The following GLP1R variants were observed in gnomAD, a reference collection of about 807,000 sequenced individuals.
GLP1R encodes the protein glucagon like peptide 1 receptor.
In GLP1R, 32 loss-of-function variants were observed where a neutral mutation model predicts 68.4. The ratio of observed to expected loss-of-function variants is 0.47; its 90% CI spans 0.35 to 0.63. GLP1R has a LOEUF of 0.63. Ranked by LOEUF, GLP1R falls within the 20% of genes least tolerant of loss-of-function variation. The pLI, the probability that GLP1R is intolerant of heterozygous loss-of-function variation, is 0.00. For synonymous variants in GLP1R, 263 were observed against 244.4 expected, an observed-to-expected ratio of 1.08 and a Z score of -0.71; for missense variants, 502 against 594.9, an observed-to-expected ratio of 0.84 and a Z score of 1.62.
chr6:39,054,820 C>T (rs1460798720), intron 1 of GLP1R, among the ~76,000 whole-genome samples: 6 of 152,194 alleles, frequency 3.9e-5, no homozygotes, highest in African/African-American at 9.7e-5. Context: ...GCCCTTTACC[C>T]GGAGAAGAGG....
At chr6:39,053,754 C>T (rs1768143569) in intron 1 of GLP1R, among the ~76,000 whole-genome samples, 1 of 152,156 alleles carries the variant, frequency 6.6e-6, no homozygotes, top group Non-Finnish European at 1.5e-5. Flanking sequence ...CAGATCTGAG[C>T]CCAAGGCCAG....
intron 2 of GLP1R, among the ~76,000 whole-genome samples, chr6:39,056,824 G>C (rs1187537667): frequency 6.6e-6 from 1 of 152,136 alleles, no homozygotes; most frequent in Non-Finnish European, 1.5e-5. Flanking sequence ...TCTTATCTGT[G>C]TGTCCTTCCC....
rs577626432 is a variant in GLP1R, at chr6:39,055,963, G to A, written c.79-434G>A. On this transcript the variant is annotated intron_variant, in intron 1 of 12. Transcript: ENST00000373256. ...GTTCCTCTCCCACTCTGGCCTGTGTGTCTTCTTCTAGAATGGTTGAAAGTG... is the reference window on the plus strand; with the variant it reads ...GTTCCTCTCCCACTCTGGCCTGTGTATCTTCTTCTAGAATGGTTGAAAGTG... Among the ~76,000 whole-genome samples the A allele has an allele frequency of 1.8e-3, 281 of 152,284 alleles. 1 individual carries two copies. Among genetic ancestry groups the A allele is most frequent in the African/African-American group, 6.6e-3 (275 of 41,546 alleles).
chr6:39,065,059 A>T (rs2254336), intron 3 of GLP1R, among the ~76,000 whole-genome samples: 79,442 of 152,044 alleles, frequency 0.52, 20,977 homozygotes, highest in South Asian at 0.56. Flanking sequence ...CATACGACCA[A>T]GAGGCCGTGT....
intron 3 of GLP1R, among the ~76,000 whole-genome samples, chr6:39,058,497 G>A (rs532866400): frequency 8.9e-4 from 136 of 152,240 alleles, no homozygotes; most frequent in South Asian, 2.3e-3. Context: ...TCCCTGACTG[G>A]AGGGTTAGTT....
At chr6:39,081,349 C>A (rs563967231) in intron 12 of GLP1R, among the ~76,000 whole-genome samples, 5 of 152,302 alleles carry the variant, frequency 3.3e-5, no homozygotes, top group African/African-American at 1.2e-4. Context: ...GCAGAAAGTA[C>A]CCCATTCTTC....
At chr6:39,065,577 A>G (rs891187507) in intron 3 of GLP1R, 134 bp from the exon 4 acceptor site, 1 of 602,694 alleles carries the variant, frequency 1.7e-6, no homozygotes, top group South Asian at 2.0e-5. Flanking sequence ...AGGGAAAAGG[A>G]TGTCACTAAC....
chr6:39,081,689 A>C (rs908447618), intron 12 of GLP1R, among the ~76,000 whole-genome samples: 1 of 152,302 alleles, frequency 6.6e-6, no homozygotes. Flanking sequence ...TGGGTGTTTC[A>C]AGGAGCTATG....
intron 1 of GLP1R, among the ~76,000 whole-genome samples, chr6:39,050,135 A>C (rs1429529115): frequency 6.6e-6 from 1 of 152,086 alleles, no homozygotes; most frequent in Non-Finnish European, 1.5e-5. Flanking sequence ...CCTGTTCCCC[A>C]GCCCAGCTGC....
chr6:39,054,307 GGA>G, intron 1 of GLP1R, among the ~76,000 whole-genome samples: 1 of 152,152 alleles, frequency 6.6e-6, no homozygotes, highest in East Asian at 1.9e-4. Flanking sequence ...ACGAGGCGTG[GGA>G]GAGGCCAGAA....
chr6:39,059,644 C>A (rs1279829557), intron 3 of GLP1R, among the ~76,000 whole-genome samples: 1 of 152,124 alleles, frequency 6.6e-6, no homozygotes, highest in African/African-American at 2.4e-5. Flanking sequence ...GACCACAGGG[C>A]CTTGAGAAAT....
chr6:39,081,036 T>C (rs1768997547), intron 12 of GLP1R, among the ~76,000 whole-genome samples: 1 of 151,958 alleles, frequency 6.6e-6, no homozygotes, highest in Non-Finnish European at 1.5e-5. Flanking sequence ...TGCTTGGTGG[T>C]AGTGACTGTC....
In GLP1R at chr6:39,056,418, G is replaced by A. The variant is rs1421643787; in HGVS notation, c.100G>A (p.Glu34Lys). 6.2e-7 allele frequency: 1 copy of A among 1,607,158 alleles called. No individual in the cohort carries two copies. Among genetic ancestry groups the A allele is most frequent in the African/African-American group, 1.3e-5 (1 of 74,800 alleles). The part of the protein sequence containing the change: ...RPQGATVSLW[E>K]TVQKWREYRR... Reference sequence around the variant, plus strand: ...CCAGGGTGCCACTGTGTCCCTCTGGGAGACGGTGCAGAAATGGCGAGAATA... The same window carrying A: ...CCAGGGTGCCACTGTGTCCCTCTGGAAGACGGTGCAGAAATGGCGAGAATA... The change falls in exon 2 of 13, where the codon GAG (glutamate) becomes AAG (lysine). Residue 34 changes from glutamate to lysine, a missense_variant. Coordinates refer to ENST00000373256, the MANE Select transcript of GLP1R (RefSeq NM_002062.5).
rs376365126 is a variant in GLP1R, at chr6:39,062,467, C to T, written c.284-3244C>T. Among the ~76,000 whole-genome samples, 26 of 152,368 alleles carry T rather than the reference C, an allele frequency of 1.7e-4. No individual in the cohort carries two copies. The East Asian group carries it at 2.3e-3, about 14-fold the overall frequency. ...TAATTGACAGATGCACTTGCACAGG[C>T]TCACTGAGCGAGGGACACAGTGATC... is the stretch of plus-strand genomic sequence containing the variant. On this transcript the variant is annotated intron_variant, in intron 3 of 12. Coordinates refer to ENST00000373256, the MANE Select transcript of GLP1R (RefSeq NM_002062.5).
At chr6:39,063,961 A>ACCCC (rs1554169545) in intron 3 of GLP1R, among the ~76,000 whole-genome samples, 2 of 104,922 alleles carry the variant, frequency 1.9e-5, no homozygotes, top group African/African-American at 8.7e-5. Context: ...ACACACACAC[A>ACCCC]CCCCACATTA....
intron 11 of GLP1R, among the ~76,000 whole-genome samples, chr6:39,080,324 A>G (rs530326930): frequency 6.6e-6 from 1 of 152,168 alleles, no homozygotes; most frequent in South Asian, 2.1e-4. Context: ...TGGAGTGGGG[A>G]ATATTCTCCA....
chr6:39,085,953 C>T lies in GLP1R; in HGVS notation c.1272C>T (p.His424=), dbSNP rs983452956. Residue 424 remains histidine (H), a synonymous_variant, in exon 13 of 13, where the codon CAC becomes CAT. Coordinates refer to ENST00000373256, the MANE Select transcript of GLP1R (RefSeq NM_002062.5). ...GCTGGGAGCGCTGGCGGCTTGAGCA[C>T]TTGCACATCCAGAGGGACAGCAGCA... The part of the protein sequence containing the change: ...RKSWERWRLE[H]LHIQRDSSMK... The T allele has an allele frequency of 1.5e-5, 25 of 1,613,822 alleles. No homozygotes were observed. The highest frequency in any genetic ancestry group is 1.9e-5 in the Non-Finnish European group (22 of 1,179,892).
chr6:39,065,320 G>T (rs1413001782), intron 3 of GLP1R, among the ~76,000 whole-genome samples: 2 of 152,208 alleles, frequency 1.3e-5, no homozygotes, highest in Non-Finnish European at 2.9e-5. Context: ...GGCTGCTGCT[G>T]GTCGGTGCCA....
At chr6:39,060,035 A>C (rs1267968654) in intron 3 of GLP1R, among the ~76,000 whole-genome samples, 1 of 151,674 alleles carries the variant, frequency 6.6e-6, no homozygotes, top group South Asian at 2.1e-4. Context: ...CTTTTTTGAC[A>C]CTTGGAATCA....
Sources: allele counts gnomAD v4.1 joint callset (sites outside exome capture counted in the v4.1 genomes callset), GRCh38; gene constraint gnomAD v4.1.1; transcripts MANE v1.5; gene names NCBI Gene and HGNC (gene_info 2026-07-23, HGNC 2026-07-21).